Variants in HK1 observed in about 807,000 individuals in gnomAD.
The protein encoded by HK1 is hexokinase 1.
HK1 carries 28 observed loss-of-function variants against 91.6 expected under a neutral mutation model. The observed-to-expected ratio is 0.31, with a 90% CI of 0.23 to 0.42. The LOEUF is 0.42. Ranked by LOEUF, HK1 falls within the 10% of genes least tolerant of loss-of-function variation. HK1 has a pLI of 1.00. For synonymous variants in HK1, 430 were observed against 468.1 expected (o/e 0.92, Z 1.05); for missense variants, 770 against 1,219.8 (o/e 0.63, Z 5.49).
At chr10:69,300,743 A>C (rs1845820100) in intron 4 of HK1, 1 of 1,326,196 alleles carries the variant, frequency 7.5e-7, no homozygotes, top group Non-Finnish European at 1.1e-6. Context: ...ATGGCCTAAG[A>C]ACCTGGTGTT....
chr10:69,336,623 AT>A (rs2132651427), intron 1 of HK1, among the ~76,000 whole-genome samples: 1 of 141,546 alleles, frequency 7.1e-6, no homozygotes, highest in African/African-American at 2.6e-5. Flanking sequence ...GGTCAATAGC[AT>A]TTTGGTAGAT....
intron 1 of HK1, among the ~76,000 whole-genome samples, chr10:69,340,668 C>T (rs1226833046): frequency 6.6e-6 from 1 of 152,228 alleles, no homozygotes; most frequent in East Asian, 1.9e-4. Flanking sequence ...GCCAGGATTA[C>T]AGGCATGAGC....
chr10:69,381,671 A>G (rs2132879608), intron 9 of HK1, among the ~76,000 whole-genome samples: 1 of 150,650 alleles, frequency 6.6e-6, no homozygotes, highest in Non-Finnish European at 1.5e-5. Context: ...CTCCTGCCTC[A>G]GCCTCCCGAG....
chr10:69,400,910 T>C, intron 17 of HK1, 81 bp from the exon 18 acceptor site: 1 of 1,434,674 alleles, frequency 7.0e-7, no homozygotes. Context: ...GTCAGGGGGC[T>C]GTCTGTGCTT....
intron 1 of HK1, among the ~76,000 whole-genome samples, chr10:69,272,690 G>A (rs564123725): frequency 6.6e-6 from 1 of 150,800 alleles, no homozygotes; most frequent in East Asian, 1.9e-4. Context: ...TGTTTGTAAG[G>A]GTTTCTCTTT....
intron 13 of HK1, chr10:69,386,778 C>CTAAATAAATAAA (rs544467542): frequency 2.5e-5 from 4 of 161,110 alleles, no homozygotes; most frequent in African/African-American, 9.7e-5. Flanking sequence ...GACTCCATCT[C>CTAAATAAATAAA]TAAATAAATA....
At chr10:69,346,658 A>G (rs1365035370) in intron 2 of HK1, among the ~76,000 whole-genome samples, 1 of 151,210 alleles carries the variant, frequency 6.6e-6, no homozygotes, top group African/African-American at 2.4e-5. Flanking sequence ...GAGCCACCTC[A>G]CCTGGCCTGT....
intron 4 of HK1, among the ~76,000 whole-genome samples, chr10:69,367,193 T>C (rs773777399): frequency 2.6e-5 from 4 of 152,150 alleles, no homozygotes; most frequent in Non-Finnish European, 5.9e-5. Flanking sequence ...GGTGTCCACC[T>C]GCCAGCCTTC....
chr10:69,359,810 G>C, intron 2 of HK1, 87 bp from the exon 3 acceptor site: 1 of 1,307,156 alleles, frequency 7.7e-7, no homozygotes, highest in African/African-American at 1.4e-5. Context: ...GGCAGACAGG[G>C]CCTACGCCCT....
intron 1 of HK1, among the ~76,000 whole-genome samples, chr10:69,336,434 A>G (rs564128311): frequency 0.01 from 1,551 of 151,802 alleles, 10 homozygotes; most frequent in Non-Finnish European, 0.016. Context: ...CAGGTGATCC[A>G]CCAGCCTCGG....
intron 9 of HK1, among the ~76,000 whole-genome samples, chr10:69,382,082 A>G (rs1194245676): frequency 6.6e-6 from 1 of 152,350 alleles, no homozygotes; most frequent in East Asian, 1.9e-4. Flanking sequence ...GTGTAATGAA[A>G]AAAGCAGGTG....
intron 16 of HK1, 116 bp from the exon 17 acceptor site, chr10:69,398,479 A>T (rs988840487): frequency 9.8e-5 from 76 of 778,432 alleles, no homozygotes; most frequent in Non-Finnish European, 1.1e-5. Context: ...CTTGCCCTTG[A>T]CTCTGTCTGT....
At chr10:69,312,087 G>T (rs1846403369), upstream of HK1, among the ~76,000 whole-genome samples, 1 of 152,182 alleles carries the variant, frequency 6.6e-6, no homozygotes, top group Non-Finnish European at 1.5e-5. Context: ...CCACTGCAGG[G>T]TGGAAGGAAA....
chr10:69,276,110 A>ATATATATAT (rs1564746728), intron 1 of HK1, among the ~76,000 whole-genome samples: 2 of 45,514 alleles, frequency 4.4e-5, no homozygotes, highest in African/African-American at 7.5e-5. Flanking sequence ...AAAAAAAAAA[A>ATATATATAT]AAAAAAAAAT....
At chr10:69,328,205 A>G (rs1382361559) in intron 1 of HK1, among the ~76,000 whole-genome samples, 1 of 152,154 alleles carries the variant, frequency 6.6e-6, no homozygotes, top group East Asian at 1.9e-4. Flanking sequence ...CGTGGCAGGG[A>G]AAACTGAACC....
intron 17 of HK1, among the ~76,000 whole-genome samples, chr10:69,400,535 C>T (rs1840339115): frequency 1.3e-5 from 2 of 152,172 alleles, no homozygotes; most frequent in African/African-American, 4.8e-5. Context: ...GCTTGGCTGG[C>T]TTGCACCTGC....
chr10:69,374,330 G>A (rs1850174595), intron 7 of HK1, among the ~76,000 whole-genome samples: 1 of 152,122 alleles, frequency 6.6e-6, no homozygotes, highest in Admixed American at 6.5e-5. Context: ...CCCCATCTCA[G>A]CCCTTCCTGG....
At chr10:69,313,783 C>T (rs1846501858), upstream of HK1, among the ~76,000 whole-genome samples, 1 of 152,194 alleles carries the variant, frequency 6.6e-6, no homozygotes, top group Non-Finnish European at 1.5e-5. Context: ...GCGTGAGGCA[C>T]CGGCCTGAAA....
chr10:69,344,074 C>T (rs1848429217), intron 2 of HK1, 85 bp downstream of exon 2: 1 of 1,365,796 alleles, frequency 7.3e-7, no homozygotes, highest in Admixed American at 1.7e-5. Flanking sequence ...CATACATTTG[C>T]TCATTCATTC....
Sources: gnomAD v4.1 joint callset for allele counts (sites outside exome capture counted in the v4.1 genomes callset) on GRCh38, gnomAD v4.1.1 for gene constraint, MANE v1.5 for transcripts, NCBI Gene and HGNC (gene_info 2026-07-23, HGNC 2026-07-21) for gene names.